HTR1F: variants seen among roughly 807,000 people sequenced by gnomAD.
The protein encoded by HTR1F is 5-hydroxytryptamine receptor 1F.
HTR1F carries 17 observed loss-of-function variants against 24.0 expected under a neutral mutation model. That is an observed-to-expected ratio of 0.71 (90% CI 0.48 to 1.06). The LOEUF (loss-of-function observed/expected upper bound fraction) is 1.06, where lower values mean the gene tolerates loss of function less well. Ranked by LOEUF, HTR1F falls within the 50% of genes least tolerant of loss-of-function variation. The pLI is 0.00. For synonymous variants in HTR1F, 186 were observed against 156.8 expected (o/e 1.19, Z -1.39); for missense variants, 391 against 427.8 (o/e 0.91, Z 0.76).
intron 2 of HTR1F, among the ~76,000 whole-genome samples, chr3:87,935,241 A>G (rs1297282770): frequency 2.0e-5 from 3 of 152,184 alleles, no homozygotes; most frequent in African/African-American, 4.8e-5. Flanking sequence ...CAAGGCCCCA[A>G]AAATGAAGAG....
chr3:87,932,233 G>T lies in HTR1F; in HGVS notation c.-42-58475G>T, dbSNP rs1576049929. 3.9e-5 allele frequency among the ~76,000 whole-genome samples: 6 copies of T among 152,210 alleles called. No homozygotes were observed. In the South Asian group the frequency reaches 1.2e-3, roughly 32 times the overall value. On this transcript the variant is annotated intron_variant, in intron 2 of 2. Coordinates refer to ENST00000319595, the MANE Select transcript of HTR1F (RefSeq NM_001322209.2). ...AATTAATTTTTGTATAAGGTGTAAG[G>T]AAGGGATCCAGTTTCAGCCTTCTAC...
chr3:87,846,838 T>A lies in HTR1F; in HGVS notation c.-43+24714T>A, dbSNP rs562942854. Among the ~76,000 whole-genome samples the A allele has an allele frequency of 6.6e-5, 10 of 152,132 alleles. No individual in the cohort carries two copies. In the South Asian group the frequency reaches 1.9e-3, roughly 28 times the overall value. On this transcript the variant is annotated intron_variant, in intron 2 of 2. Coordinates refer to ENST00000319595, the MANE Select transcript of HTR1F (RefSeq NM_001322209.2). ...TTGAAAGAAAATTTCAAGTTTTTCC[T>A]GCTGGAGTTGAATTTTATAGTTTTA...
chr3:87,925,774 G>A (rs1229491048), intron 2 of HTR1F, among the ~76,000 whole-genome samples: 3 of 152,116 alleles, frequency 2.0e-5, no homozygotes, highest in Non-Finnish European at 4.4e-5. Context: ...GGTATTGGTA[G>A]TGGTAATGGA....
intron 2 of HTR1F, among the ~76,000 whole-genome samples, chr3:87,849,343 A>G (rs947066733): frequency 6.6e-6 from 1 of 151,554 alleles, no homozygotes; most frequent in African/African-American, 2.4e-5. Flanking sequence ...ACCTGAGAAA[A>G]ACAAGCAATG....
intron 2 of HTR1F, among the ~76,000 whole-genome samples, chr3:87,832,517 G>C (rs1235174582): frequency 1.3e-5 from 2 of 151,900 alleles, no homozygotes; most frequent in Admixed American, 6.6e-5. Flanking sequence ...TAGTAGAGAC[G>C]GGGTTTCACC....
intron 2 of HTR1F, among the ~76,000 whole-genome samples, chr3:87,841,300 T>C (rs531580184): frequency 6.6e-6 from 1 of 151,972 alleles, no homozygotes; most frequent in Admixed American, 6.6e-5. Context: ...AAATAAAAAA[T>C]AGAGTCTCTT....
chr3:87,822,926 G>C (rs1448550303), intron 2 of HTR1F, among the ~76,000 whole-genome samples: 1 of 152,176 alleles, frequency 6.6e-6, no homozygotes, highest in African/African-American at 2.4e-5. Context: ...TGAATCCAGA[G>C]TGCTTGCTAG....
intron 2 of HTR1F, among the ~76,000 whole-genome samples, chr3:87,884,985 G>A (rs1705902505): frequency 6.6e-6 from 1 of 152,150 alleles, no homozygotes; most frequent in Admixed American, 6.5e-5. Flanking sequence ...TCTGCATCAA[G>A]CAGACCTAAC....
At chr3:87,909,042 G>A (rs558528675) in intron 2 of HTR1F, among the ~76,000 whole-genome samples, 27 of 152,118 alleles carry the variant, frequency 1.8e-4, no homozygotes, top group African/African-American at 6.0e-4. Flanking sequence ...TGTGTATGAG[G>A]AAGCCTATAC....
At chr3:87,861,483 T>G (rs537266097) in intron 2 of HTR1F, among the ~76,000 whole-genome samples, 1 of 152,288 alleles carries the variant, frequency 6.6e-6, no homozygotes, top group Non-Finnish European at 1.5e-5. Context: ...ATTTTATGCT[T>G]TTACAAGGAC....
At chr3:87,923,573 G>A (rs1704057969) in intron 2 of HTR1F, among the ~76,000 whole-genome samples, 1 of 151,608 alleles carries the variant, frequency 6.6e-6, no homozygotes, top group Non-Finnish European at 1.5e-5. Context: ...ATTTTTGAAT[G>A]TTGATCTTGT....
At chr3:87,819,536 A>G (rs1475766345) in intron 1 of HTR1F, among the ~76,000 whole-genome samples, 1 of 151,960 alleles carries the variant, frequency 6.6e-6, no homozygotes. Flanking sequence ...CTTTTTTTAA[A>G]AAAGGCTTTG....
At chr3:87,976,818 C>T (rs1261838041) in intron 2 of HTR1F, among the ~76,000 whole-genome samples, 1 of 152,082 alleles carries the variant, frequency 6.6e-6, no homozygotes, top group African/African-American at 2.4e-5. Flanking sequence ...AGTAAGGGCA[C>T]AGAATATCCA....
chr3:87,897,182 C>A (rs1051711320), intron 2 of HTR1F, among the ~76,000 whole-genome samples: 3 of 149,486 alleles, frequency 2.0e-5, no homozygotes, highest in African/African-American at 7.4e-5. Context: ...GAGCTGTGAG[C>A]AAATGGTTAC....
intron 2 of HTR1F, among the ~76,000 whole-genome samples, chr3:87,867,272 A>G (rs1161074283): frequency 6.6e-6 from 1 of 151,884 alleles, no homozygotes; most frequent in Non-Finnish European, 1.5e-5. Flanking sequence ...TAGTAATAAC[A>G]GCAAGTTCTT....
intron 2 of HTR1F, among the ~76,000 whole-genome samples, chr3:87,844,098 G>A (rs1200512360): frequency 1.9e-4 from 28 of 150,500 alleles, no homozygotes; most frequent in African/African-American, 2.9e-4. Context: ...CTGAGGAATC[G>A]CCACACTGAC....
chr3:87,912,098 C>T (rs1248218143), intron 2 of HTR1F, among the ~76,000 whole-genome samples: 2 of 151,790 alleles, frequency 1.3e-5, no homozygotes, highest in African/African-American at 4.8e-5. Flanking sequence ...TAAAAGGCAT[C>T]CAAATAGGAA....
chr3:87,925,823 C>A (rs1704112696), intron 2 of HTR1F, among the ~76,000 whole-genome samples: 1 of 152,120 alleles, frequency 6.6e-6, no homozygotes, highest in Non-Finnish European at 1.5e-5. Context: ...TCTCTACAAT[C>A]TTGGCTTGGT....
intron 2 of HTR1F, among the ~76,000 whole-genome samples, chr3:87,926,660 G>C (rs1704133614): frequency 6.6e-6 from 1 of 151,972 alleles, no homozygotes; most frequent in Non-Finnish European, 1.5e-5. Flanking sequence ...AGTGTATACT[G>C]AAAGATCGTT....
Sources: gnomAD v4.1 joint callset for allele counts (sites outside exome capture counted in the v4.1 genomes callset) on GRCh38, gnomAD v4.1.1 for gene constraint, MANE v1.5 for transcripts, NCBI Gene and HGNC (gene_info 2026-07-23, HGNC 2026-07-21) for gene names.